Variants in JAK2 observed in about 807,000 individuals in gnomAD.
The protein encoded by JAK2 is Janus kinase 2, also known as tyrosine-protein kinase JAK2.
JAK2 carries 86 observed loss-of-function variants against 139.3 expected under a neutral mutation model. The ratio of observed to expected loss-of-function variants is 0.62; its 90% CI spans 0.52 to 0.74. The LOEUF is 0.74. Among genes scored for constraint, JAK2 ranks in the 30% least tolerant of loss-of-function variants. The pLI, the probability that JAK2 is intolerant of heterozygous loss-of-function variation, is 0.00. For synonymous variants in JAK2, 490 were observed against 437.7 expected, an observed-to-expected ratio of 1.12 and a Z score of -1.49; for missense variants, 1,421 against 1,360.3, an observed-to-expected ratio of 1.04 and a Z score of -0.70.
intron 5 of JAK2, among the ~76,000 whole-genome samples, chr9:5,049,286 G>C (rs1817248631): frequency 6.6e-6 from 1 of 152,084 alleles, no homozygotes; most frequent in African/African-American, 2.4e-5. Flanking sequence ...TCTAGGATCA[G>C]GTCATTCAAG....
chr9:5,035,447 C>A (rs1042735517), intron 4 of JAK2, among the ~76,000 whole-genome samples: 2 of 152,168 alleles, frequency 1.3e-5, no homozygotes, highest in Admixed American at 1.3e-4. Context: ...GAATTTTATA[C>A]CAATATCCTT....
At chr9:5,009,048 G>A (rs1317327783) in intron 2 of JAK2, among the ~76,000 whole-genome samples, 2 of 151,986 alleles carry the variant, frequency 1.3e-5, no homozygotes, top group African/African-American at 4.8e-5. Context: ...TTTCTTTAAT[G>A]TATAGAGAAT....
Position 5,054,686 on chromosome 9 carries a change from T to C in JAK2, c.738T>C (p.Thr246=). The C allele has an allele frequency of 1.2e-6, 2 of 1,613,426 alleles. No individual in the cohort carries two copies. Among genetic ancestry groups the C allele is most frequent in the Non-Finnish European group, 1.7e-6 (2 of 1,179,464 alleles). Residue 246 remains threonine, a synonymous_variant, in exon 7 of 25, where the codon ACT becomes ACC. Transcript: ENST00000381652. The surrounding 1 kb of genome is among the most constrained non-coding windows in gnomAD (Gnocchi z 4.9). ...AGCAATTCAGCCAATGCAAAGCCAC[T>C]GCCAGAAACTTGAAACTTAAGTATC... ...FIQQFSQCKA[T]ARNLKLKYLI...
At position 5,114,393 on chromosome 9, in the gene JAK2, G is replaced by A. The variant is rs1822946654; in HGVS notation, c.3060-8611G>A. ...GTTCACCATCACGTCCACCCTGCTG[G>A]TGGGCACCAGAGACTGGATCAAGGG... On this transcript the variant is annotated intron_variant, in intron 22 of 24. Transcript: ENST00000381652. 4 of 515,856 alleles carry A rather than the reference G, an allele frequency of 7.8e-6. No individual in the cohort carries two copies. In the Admixed American group the frequency reaches 9.2e-5, roughly 12 times the overall value. 32.0% of individuals were successfully genotyped at this position (515,856 alleles called of 1,614,324 possible).
chr9:5,060,418 C>G (rs1818085254), intron 8 of JAK2, among the ~76,000 whole-genome samples: 1 of 152,218 alleles, frequency 6.6e-6, no homozygotes, highest in African/African-American at 2.4e-5. Flanking sequence ...TCAGTCCTCT[C>G]AAACCCTGCC....
chr9:5,109,698 C>G (rs569686618), intron 22 of JAK2: 4 of 152,154 alleles, frequency 2.6e-5, no homozygotes, highest in South Asian at 4.1e-4. Flanking sequence ...AATGACAATC[C>G]CAACTCTTAA....
chr9:5,099,277 C>T (rs1821276567), intron 22 of JAK2: 1 of 152,136 alleles, frequency 6.6e-6, no homozygotes, highest in African/African-American at 2.4e-5. Context: ...TACCTATTGT[C>T]CTAGAACTAA....
At chr9:5,121,677 TC>T (rs1161963544) in intron 22 of JAK2, among the ~76,000 whole-genome samples, 3 of 152,096 alleles carry the variant, frequency 2.0e-5, no homozygotes, top group African/African-American at 7.2e-5. Flanking sequence ...TACATACACT[TC>T]AAAAAGACAA....
intron 8 of JAK2, among the ~76,000 whole-genome samples, chr9:5,063,105 A>C (rs1389393957): frequency 1.3e-5 from 2 of 151,992 alleles, no homozygotes; most frequent in Non-Finnish European, 2.9e-5. Context: ...TCTTTATTAT[A>C]ATTTTTGGTT....
chr9:5,101,873 T>C (rs1821519454), intron 22 of JAK2, among the ~76,000 whole-genome samples: 1 of 151,984 alleles, frequency 6.6e-6, no homozygotes, highest in Non-Finnish European at 1.5e-5. Context: ...AAAAAGGGCA[T>C]CCACACCAAA....
chr9:5,040,292 C>G (rs1173124841), intron 4 of JAK2, among the ~76,000 whole-genome samples: 1 of 137,984 alleles, frequency 7.2e-6, no homozygotes, highest in Non-Finnish European at 1.6e-5. Flanking sequence ...ACACTATATA[C>G]AAAAAAAAAA....
chr9:5,091,045 CTT>C (rs929411025), intron 22 of JAK2, 134 bp downstream of exon 22: 40 of 528,734 alleles, frequency 7.6e-5, no homozygotes, highest in Non-Finnish European at 8.5e-5. Flanking sequence ...TTACATTTAA[CTT>C]TTTTTTTTTA....
intron 2 of JAK2, among the ~76,000 whole-genome samples, chr9:5,002,091 G>A (rs1228403652): frequency 6.6e-6 from 1 of 151,786 alleles, no homozygotes; most frequent in Non-Finnish European, 1.5e-5. Flanking sequence ...GATCATCTTA[G>A]AGGTTTATCA....
chr9:5,067,653 A>G (rs1023511520), intron 10 of JAK2, among the ~76,000 whole-genome samples: 127 of 152,070 alleles, frequency 8.4e-4, no homozygotes, highest in African/African-American at 3.0e-3. Flanking sequence ...TGAATTCAAA[A>G]AAATATATAT....
intron 2 of JAK2, among the ~76,000 whole-genome samples, chr9:5,011,502 T>A (rs1415854666): frequency 6.6e-6 from 1 of 152,252 alleles, no homozygotes; most frequent in Non-Finnish European, 1.5e-5. Flanking sequence ...GATTTCTTGA[T>A]ATTGTAGAGT....
intron 22 of JAK2, among the ~76,000 whole-genome samples, chr9:5,116,165 A>G (rs140975267): frequency 1.3e-5 from 2 of 152,310 alleles, no homozygotes; most frequent in African/African-American, 4.8e-5. Context: ...GAGAACATGT[A>G]TGATTATTAT....
intron 22 of JAK2, among the ~76,000 whole-genome samples, chr9:5,093,036 G>A (rs1042971689): frequency 2.6e-5 from 4 of 151,996 alleles, no homozygotes; most frequent in African/African-American, 4.8e-5. Context: ...ATCACTCTAC[G>A]GAACTCCTAA....
intron 3 of JAK2, among the ~76,000 whole-genome samples, chr9:5,024,002 A>G (rs191491567): frequency 7.3e-4 from 111 of 152,246 alleles, no homozygotes; most frequent in Middle Eastern, 3.4e-3. Flanking sequence ...TACACCTGTA[A>G]TCCCAGCACT....
At position 5,128,162 on chromosome 9, in the gene JAK2, A is replaced by C. The variant is rs1317630246; in HGVS notation, c.*1371A>C. The C allele has an allele frequency of 1.7e-5, 4 of 232,246 alleles. No homozygotes were observed. In the East Asian group the frequency reaches 2.4e-4, roughly 14 times the overall value. 14.4% of individuals were successfully genotyped at this position (232,246 alleles called of 1,614,324 possible). The stretch of plus-strand genomic sequence containing the variant: ...TAAAATACTTGCTGTTTTGATTAAA[A>C]AGAAAATAGTTTCTTACTTTATTTT... On this transcript the variant is annotated 3_prime_UTR_variant, in exon 25 of 25. Coordinates refer to ENST00000381652, the MANE Select transcript of JAK2 (RefSeq NM_004972.4).
Sources: gnomAD v4.1 joint callset for allele counts (sites outside exome capture counted in the v4.1 genomes callset) on GRCh38, gnomAD v4.1.1 for gene constraint, Gnocchi (gnomAD v3.1) non-coding constraint, MANE v1.5 for transcripts, NCBI Gene and HGNC (gene_info 2026-07-23, HGNC 2026-07-21) for gene names.